The following DIAPH2 variants were observed in gnomAD, a reference collection of about 807,000 sequenced individuals.
DIAPH2 encodes the protein protein diaphanous homolog 2.
In DIAPH2, 35 loss-of-function variants were observed where a neutral mutation model predicts 92.7. The ratio of observed to expected loss-of-function variants is 0.38; its 90% confidence interval spans 0.29 to 0.50. The LOEUF (loss-of-function observed/expected upper bound fraction) is 0.50, where lower values mean the gene tolerates loss of function less well. Ranked by LOEUF, DIAPH2 falls within the 20% of genes least tolerant of loss-of-function variation. The pLI, the probability that DIAPH2 is intolerant of heterozygous loss-of-function variation, is 0.94. For synonymous variants in DIAPH2, 301 were observed against 280.4 expected (o/e 1.07, Z -0.73); for missense variants, 701 against 819.5 (o/e 0.86, Z 1.77).
intron 22 of DIAPH2, among the ~76,000 whole-genome samples, chrX:97,239,757 G>A (rs2068076323): frequency 9.1e-6 from 1 of 109,746 alleles, no homozygotes; most frequent in African/African-American, 3.3e-5. Flanking sequence ...GCAAAGGCAA[G>A]CATTTCTAAC....
chrX:97,580,882 C>T (rs2071435761), intron 26 of DIAPH2, among the ~76,000 whole-genome samples: 1 of 101,700 alleles, frequency 9.8e-6, no homozygotes, highest in Admixed American at 1.1e-4. Context: ...TCAACTTCTT[C>T]CTGGTTTAGT....
At chrX:97,258,101 T>C (rs771767082) in intron 23 of DIAPH2, among the ~76,000 whole-genome samples, 3 of 112,047 alleles carry the variant, frequency 2.7e-5, no homozygotes, top group Non-Finnish European at 5.6e-5. Context: ...TGAATGCTTG[T>C]AGAGTAAGCA....
chrX:97,068,340 T>C (rs1324469103), intron 17 of DIAPH2, among the ~76,000 whole-genome samples: 1 of 111,733 alleles, frequency 8.9e-6, no homozygotes, highest in Non-Finnish European at 1.9e-5. Context: ...AATTTGATTT[T>C]TGTGGTGCTT....
At chrX:96,708,695 A>G (rs1456613160) in intron 1 of DIAPH2, among the ~76,000 whole-genome samples, 1 of 112,720 alleles carries the variant, frequency 8.9e-6, no homozygotes, top group Non-Finnish European at 1.9e-5. Context: ...ATTAACATCC[A>G]TTAATTGCTT....
chrX:96,954,867 T>G (rs1479457032), intron 15 of DIAPH2, among the ~76,000 whole-genome samples: 1 of 112,551 alleles, frequency 8.9e-6, no homozygotes, highest in Non-Finnish European at 1.9e-5. Context: ...ACTAGAGCCA[T>G]GAAACAGACT....
rs868556839 is a variant in DIAPH2 at position 97,185,413 on chromosome X, A to G, written c.2719+43619A>G. On this transcript the variant is annotated intron_variant, in intron 22 of 26. Transcript: ENST00000324765. ...TATATGTGTATATATATATATATGTATATATATATGTATATATATATGTGT... is the reference window on the plus strand; with the variant it reads ...TATATGTGTATATATATATATATGTGTATATATATGTATATATATATGTGT... Among the ~76,000 whole-genome samples, 397 of 56,063 alleles carry G rather than the reference A, an allele frequency of 7.1e-3. 61 individuals carry two copies. The highest frequency in any genetic ancestry group is 0.038 in the African/African-American group (372 of 9,830). 48.7% of individuals were successfully genotyped at this position (56,063 alleles called of 115,157 possible).
At chrX:97,059,354 T>C (rs936176537) in intron 17 of DIAPH2, among the ~76,000 whole-genome samples, 1 of 111,886 alleles carries the variant, frequency 8.9e-6, no homozygotes. Flanking sequence ...GCTTCAGTTT[T>C]CTTTAAATAG....
intron 22 of DIAPH2, among the ~76,000 whole-genome samples, chrX:97,151,741 G>T (rs1025780302): frequency 9.0e-6 from 1 of 111,408 alleles, no homozygotes; most frequent in Non-Finnish European, 1.9e-5. Context: ...TCAGTAAAAA[G>T]AATATATAGG....
chrX:97,419,917 C>T (rs2147768818), intron 25 of DIAPH2, among the ~76,000 whole-genome samples: 1 of 111,595 alleles, frequency 9.0e-6, no homozygotes, highest in South Asian at 3.8e-4. Context: ...CTTCCATGCT[C>T]TTAGTAAGTA....
At chrX:97,029,308 T>C (rs947278046) in intron 17 of DIAPH2, among the ~76,000 whole-genome samples, 13 of 109,228 alleles carry the variant, frequency 1.2e-4, no homozygotes, top group Admixed American at 2.0e-4. Context: ...TCACCACACC[T>C]GGCTAATTTT....
At chrX:97,092,137 G>A (rs1052426470) in intron 19 of DIAPH2, among the ~76,000 whole-genome samples, 3 of 112,338 alleles carry the variant, frequency 2.7e-5, no homozygotes, top group Non-Finnish European at 5.6e-5. Flanking sequence ...CTGGTTATGT[G>A]TCTGGATTAG....
At chrX:97,005,559 G>A (rs1177207394) in intron 17 of DIAPH2, among the ~76,000 whole-genome samples, 1 of 110,798 alleles carries the variant, frequency 9.0e-6, no homozygotes, top group Non-Finnish European at 1.9e-5. Context: ...TTTTTTTGGG[G>A]ACGGAGTCTC....
chrX:97,547,560 TCTTA>T (rs775928480), intron 26 of DIAPH2, among the ~76,000 whole-genome samples: 1 of 112,336 alleles, frequency 8.9e-6, no homozygotes, highest in East Asian at 2.8e-4. Context: ...CCAGCATACC[TCTTA>T]CTTTGCATAG....
At chrX:97,585,847 T>C (rs759570533) in intron 26 of DIAPH2, among the ~76,000 whole-genome samples, 1 of 112,107 alleles carries the variant, frequency 8.9e-6, no homozygotes, top group East Asian at 2.8e-4. Flanking sequence ...TCTGATAGTT[T>C]GTCTTTATTT....
At chrX:97,307,389 C>A (rs770057149) in intron 23 of DIAPH2, among the ~76,000 whole-genome samples, 2,594 of 111,776 alleles carry the variant, frequency 0.023, 28 homozygotes, top group Middle Eastern at 0.041. Flanking sequence ...GAATGGAAAC[C>A]CTTTCATTTC....
chrX:97,059,367 C>T (rs1468411164), intron 17 of DIAPH2, among the ~76,000 whole-genome samples: 1 of 111,634 alleles, frequency 9.0e-6, no homozygotes, highest in Admixed American at 9.5e-5. Flanking sequence ...TTAAATAGTG[C>T]ACCTGGTATC....
chrX:97,004,004 T>C (rs1409626585), intron 17 of DIAPH2, among the ~76,000 whole-genome samples: 1 of 111,656 alleles, frequency 9.0e-6, no homozygotes, highest in Non-Finnish European at 1.9e-5. Flanking sequence ...CTTCCACATA[T>C]AGATATCCAG....
chrX:96,991,988 C>A (rs896952207), intron 17 of DIAPH2, among the ~76,000 whole-genome samples: 2 of 110,214 alleles, frequency 1.8e-5, no homozygotes, highest in East Asian at 5.7e-4. Flanking sequence ...TCTCTAATAT[C>A]TTTTCAAAGG....
At chrX:97,553,683 A>AG (rs1556226224) in intron 26 of DIAPH2, among the ~76,000 whole-genome samples, 12 of 106,601 alleles carry the variant, frequency 1.1e-4, no homozygotes, top group East Asian at 2.9e-4. Context: ...AAAAAAAAAA[A>AG]AAGAAGAAGA....
Sources: gnomAD v4.1 joint callset for allele counts (sites outside exome capture counted in the v4.1 genomes callset) on GRCh38, gnomAD v4.1.1 for gene constraint, MANE v1.5 for transcripts, NCBI Gene and HGNC (gene_info 2026-07-23, HGNC 2026-07-21) for gene names.